Variants in SDCCAG8 observed in about 807,000 individuals in gnomAD.
The protein encoded by SDCCAG8 is SHH signaling and ciliogenesis regulator SDCCAG8, also known as serologically defined colon cancer antigen 8.
In SDCCAG8, 74 loss-of-function variants were observed where a neutral mutation model predicts 101.8. The ratio of observed to expected loss-of-function variants is 0.73; its 90% CI spans 0.60 to 0.88. SDCCAG8 has a LOEUF of 0.88. SDCCAG8 is among the 40% of genes least tolerant of loss of function. SDCCAG8 has a pLI of 0.00. For missense variants in SDCCAG8, 787 were observed against 822.6 expected (o/e 0.96, Z 0.53); for synonymous variants, 281 against 292.9 (o/e 0.96, Z 0.41).
At chr1:243,434,544 T>C (rs1340245704) in intron 16 of SDCCAG8, among the ~76,000 whole-genome samples, 1 of 152,188 alleles carries the variant, frequency 6.6e-6, no homozygotes, top group Non-Finnish European at 1.5e-5. Context: ...ACCACTGACA[T>C]GTTTGGATTA....
rs1016229390 is a variant in SDCCAG8 at position 243,458,526 on chromosome 1, A to G, written c.1986-30488A>G. On this transcript the variant is annotated intron_variant, in intron 16 of 17. Transcript: ENST00000366541. This position sits in a 1 kb window ranked among gnomAD's most constrained non-coding sequence, Gnocchi z 4.5. Reference sequence around the variant, plus strand: ...AAGCACTTACCTTTTAAACCCACTGAATTTTCATAACCACCACATGAAGCG... The same window carrying G: ...AAGCACTTACCTTTTAAACCCACTGGATTTTCATAACCACCACATGAAGCG... Among the ~76,000 whole-genome samples, 2 of 152,134 alleles carry G rather than the reference A, an allele frequency of 1.3e-5. No individual in the cohort carries two copies. Among genetic ancestry groups the G allele is most frequent in the Middle Eastern group, 3.2e-3 (1 of 316 alleles).
At chr1:243,302,600 A>G (rs535621217) in intron 6 of SDCCAG8, among the ~76,000 whole-genome samples, 37 of 152,292 alleles carry the variant, frequency 2.4e-4, no homozygotes, top group African/African-American at 8.7e-4. Context: ...TTTCATTGAT[A>G]CTTTGTCCCT....
In SDCCAG8 at chr1:243,286,328, G is replaced by T. The variant is rs2069611293; in HGVS notation, c.477G>T (p.Gly159=). The T allele has an allele frequency of 1.9e-6, 3 of 1,613,826 alleles. No homozygotes were observed. Among genetic ancestry groups the T allele is most frequent in the African/African-American group, 2.7e-5 (2 of 75,020 alleles). ...KIQVVVLENE[G]LQQQLKSQRQ... ...AAGTAGTTGTGCTTGAAAACGAAGG[G>T]CTCCAGCAACAGCTAAAATCTCAAA... The change falls in exon 5 of 18, where the codon GGG becomes GGT. Residue 159 remains glycine, a synonymous_variant. Transcript: ENST00000366541.
intron 4 of SDCCAG8, among the ~76,000 whole-genome samples, chr1:243,276,013 G>A (rs566799111): frequency 1.1e-4 from 17 of 151,848 alleles, no homozygotes; most frequent in Admixed American, 5.2e-4. Flanking sequence ...ACAGGCCTGC[G>A]CCACCACGCC....
chr1:243,306,371 T>C (rs975592265), intron 7 of SDCCAG8: 1 of 152,176 alleles, frequency 6.6e-6, no homozygotes, highest in African/African-American at 2.4e-5. Context: ...TAAGGGAATG[T>C]GACTTATTTT....
intron 16 of SDCCAG8, among the ~76,000 whole-genome samples, chr1:243,457,179 TTTTC>T (rs2083828487): frequency 1.3e-5 from 2 of 152,374 alleles, no homozygotes; most frequent in South Asian, 4.1e-4. Flanking sequence ...TTTCATATTT[TTTTC>T]TTTAAGGAAA....
At chr1:243,360,944 A>G (rs2076675771) in intron 12 of SDCCAG8, among the ~76,000 whole-genome samples, 1 of 152,038 alleles carries the variant, frequency 6.6e-6, no homozygotes, top group Admixed American at 6.5e-5. Flanking sequence ...TCAAACAGTG[A>G]CCCCCTCATG....
intron 16 of SDCCAG8, among the ~76,000 whole-genome samples, chr1:243,473,919 C>CGG (rs1460893006): frequency 3.5e-3 from 12 of 3,426 alleles, no homozygotes; most frequent in Non-Finnish European, 6.3e-3. Flanking sequence ...GGAGAGTTGC[C>CGG]GGCGGGGGGG....
intron 4 of SDCCAG8, among the ~76,000 whole-genome samples, chr1:243,284,597 CT>C (rs1558233048): frequency 6.6e-6 from 1 of 152,170 alleles, no homozygotes; most frequent in Non-Finnish European, 1.5e-5. Flanking sequence ...CGGAGGCCCC[CT>C]CTCCCACACG....
At chr1:243,298,951 G>C (rs1005079711) in intron 6 of SDCCAG8, among the ~76,000 whole-genome samples, 23 of 152,194 alleles carry the variant, frequency 1.5e-4, no homozygotes, top group Non-Finnish European at 2.4e-4. Flanking sequence ...AGTTCCAAAA[G>C]TCATTTGGGA....
At chr1:243,441,475 C>G (rs904735797) in intron 16 of SDCCAG8, among the ~76,000 whole-genome samples, 46 of 150,830 alleles carry the variant, frequency 3.0e-4, no homozygotes, top group Admixed American at 2.1e-3. Context: ...CTAGAATACT[C>G]TCTTCATTTC....
intron 13 of SDCCAG8, among the ~76,000 whole-genome samples, chr1:243,405,724 A>G (rs1351034847): frequency 6.6e-6 from 1 of 152,162 alleles, no homozygotes; most frequent in Non-Finnish European, 1.5e-5. Flanking sequence ...AAATTCTCGT[A>G]TGTGGAACAT....
At chr1:243,324,459 CTT>C (rs34446782) in intron 9 of SDCCAG8, among the ~76,000 whole-genome samples, 2 of 87,006 alleles carry the variant, frequency 2.3e-5, no homozygotes, top group African/African-American at 4.7e-5. Flanking sequence ...TCTTCACATG[CTT>C]TTTTTTTTTT....
rs1490146735 is a variant in SDCCAG8, at chr1:243,458,805, T to A, written c.1986-30209T>A. ...ATGGCATTGTTTTATATTCCCATTGTCAGTGATCTCTAAACGGCATTCCTG... is the reference window on the plus strand; with the variant it reads ...ATGGCATTGTTTTATATTCCCATTGACAGTGATCTCTAAACGGCATTCCTG... On this transcript the variant is annotated intron_variant, in intron 16 of 17. Transcript: ENST00000366541. The surrounding 1 kb of genome is among the most constrained non-coding windows in gnomAD (Gnocchi z 4.5). 6.6e-6 allele frequency among the ~76,000 whole-genome samples: 1 copy of A among 152,242 alleles called. No individual in the cohort carries two copies. The highest frequency in any genetic ancestry group is 1.5e-5 in the Non-Finnish European group (1 of 68,026).
chr1:243,290,255 C>T (rs1001138354), intron 5 of SDCCAG8, among the ~76,000 whole-genome samples: 1 of 149,304 alleles, frequency 6.7e-6, no homozygotes, highest in Non-Finnish European at 1.5e-5. Flanking sequence ...TTTGAATGAT[C>T]TTCAAGGATT....
intron 10 of SDCCAG8, among the ~76,000 whole-genome samples, chr1:243,336,720 C>T (rs796800343): frequency 1.3e-5 from 2 of 152,076 alleles, no homozygotes; most frequent in Non-Finnish European, 2.9e-5. Context: ...GAGAGTTGGG[C>T]GGGGGCAGAA....
At chr1:243,436,399 T>G (rs2082136679) in intron 16 of SDCCAG8, among the ~76,000 whole-genome samples, 1 of 152,164 alleles carries the variant, frequency 6.6e-6, no homozygotes, top group Admixed American at 6.5e-5. Context: ...CCATTTCAAG[T>G]TACGTTTTGT....
intron 16 of SDCCAG8, among the ~76,000 whole-genome samples, chr1:243,483,434 G>C (rs991094462): frequency 3.4e-4 from 51 of 152,202 alleles, no homozygotes; most frequent in Middle Eastern, 3.4e-3. Context: ...TCTTGCCTCG[G>C]GGGGAGGGTC....
intron 16 of SDCCAG8, among the ~76,000 whole-genome samples, chr1:243,469,997 C>CA (rs59173777): frequency 0.06 from 8,566 of 141,668 alleles, 766 homozygotes; most frequent in African/African-American, 0.2. Context: ...TCTTTGTTAC[C>CA]AAAAAAAAAA....
Sources: allele counts gnomAD v4.1 joint callset (sites outside exome capture counted in the v4.1 genomes callset), GRCh38; gene constraint gnomAD v4.1.1; non-coding constraint Gnocchi (gnomAD v3.1); transcripts MANE v1.5; gene names NCBI Gene and HGNC (gene_info 2026-07-23, HGNC 2026-07-21).